DENND1A: variants seen among roughly 807,000 people sequenced by gnomAD.
DENND1A encodes DENN domain-containing protein 1A.
In DENND1A, 51 loss-of-function variants were observed where a neutral mutation model predicts 113.7. That is an observed-to-expected ratio of 0.45 (90% CI 0.36 to 0.57). The LOEUF (loss-of-function observed/expected upper bound fraction) is 0.57, where lower values mean the gene tolerates loss of function less well. DENND1A is among the 20% of genes least tolerant of loss of function. DENND1A has a pLI of 0.00. For missense variants in DENND1A, 1,258 were observed against 1,395.9 expected, an observed-to-expected ratio of 0.90 and a Z score of 1.57; for synonymous variants, 565 against 570.8, an observed-to-expected ratio of 0.99 and a Z score of 0.14.
intron 1 of DENND1A, among the ~76,000 whole-genome samples, chr9:123,884,995 GCGCACA>G (rs1301577224): frequency 4.0e-5 from 5 of 126,192 alleles, no homozygotes; most frequent in African/African-American, 7.3e-5. Context: ...GCGAGCGCGC[GCGCACA>G]CACACACACA....
intron 2 of DENND1A, among the ~76,000 whole-genome samples, chr9:123,835,452 C>A (rs1214895008): frequency 2.0e-5 from 3 of 152,016 alleles, no homozygotes; most frequent in African/African-American, 7.2e-5. Context: ...CTGTGTCCCT[C>A]TAGTAATGAA....
At chr9:123,542,253 C>T (rs2056344343) in intron 13 of DENND1A, among the ~76,000 whole-genome samples, 1 of 152,132 alleles carries the variant, frequency 6.6e-6, no homozygotes, top group African/African-American at 2.4e-5. Context: ...CAAGGAAGCT[C>T]TATGAAGGTA....
intron 2 of DENND1A, among the ~76,000 whole-genome samples, chr9:123,846,828 C>T (rs1306603354): frequency 1.3e-5 from 2 of 152,234 alleles, no homozygotes; most frequent in South Asian, 4.1e-4. Context: ...TAAATTTACA[C>T]TTAAAAATAT....
At chr9:123,757,924 C>G in intron 4 of DENND1A, 102 bp from the exon 5 acceptor site, 1 of 1,316,858 alleles carries the variant, frequency 7.6e-7, no homozygotes, top group Non-Finnish European at 1.0e-6. Flanking sequence ...TTTCCTCTCT[C>G]AGTGGAACTC....
chr9:123,879,957 G>C (rs1226323778), intron 1 of DENND1A, among the ~76,000 whole-genome samples: 2 of 152,132 alleles, frequency 1.3e-5, no homozygotes, highest in Admixed American at 6.6e-5. Context: ...GTAACTGTAT[G>C]AATTTTTATT....
At chr9:123,423,995 A>AG (rs1372130749) in intron 19 of DENND1A, among the ~76,000 whole-genome samples, 1 of 152,214 alleles carries the variant, frequency 6.6e-6, no homozygotes, top group Non-Finnish European at 1.5e-5. Context: ...CCTGGAGGGA[A>AG]GGAGCCATAA....
At chr9:123,844,309 C>T (rs548246619) in intron 2 of DENND1A, among the ~76,000 whole-genome samples, 6 of 152,184 alleles carry the variant, frequency 3.9e-5, no homozygotes, top group South Asian at 2.1e-4. Flanking sequence ...TACTCTTACA[C>T]AAAGAAAATC....
intron 1 of DENND1A, among the ~76,000 whole-genome samples, chr9:123,923,168 C>T (rs1189888034): frequency 6.6e-6 from 1 of 152,216 alleles, no homozygotes; most frequent in Non-Finnish European, 1.5e-5. Context: ...AACATACTTT[C>T]CTAGAGCAAT....
At chr9:123,524,177 C>A (rs2054620051) in intron 13 of DENND1A, among the ~76,000 whole-genome samples, 1 of 152,154 alleles carries the variant, frequency 6.6e-6, no homozygotes, top group Admixed American at 6.5e-5. Context: ...GGAGAAGAGG[C>A]CACTTGATGG....
intron 2 of DENND1A, among the ~76,000 whole-genome samples, chr9:123,833,999 G>C (rs1840688934): frequency 6.6e-6 from 1 of 152,122 alleles, no homozygotes; most frequent in Non-Finnish European, 1.5e-5. Flanking sequence ...GGGGTTGCAG[G>C]AAGCTGAGAT....
chr9:123,727,980 C>G (rs555416861), intron 5 of DENND1A, among the ~76,000 whole-genome samples: 57 of 152,130 alleles, frequency 3.7e-4, no homozygotes, highest in African/African-American at 1.2e-3. Flanking sequence ...GTGGCAGGCT[C>G]CTGTAGTCCC....
intron 13 of DENND1A, among the ~76,000 whole-genome samples, chr9:123,470,793 G>A (rs183322134): frequency 3.6e-4 from 55 of 152,282 alleles, no homozygotes; most frequent in Non-Finnish European, 7.4e-4. Flanking sequence ...CTGTGGCACT[G>A]TCCACATGAT....
intron 1 of DENND1A, among the ~76,000 whole-genome samples, chr9:123,916,101 A>G (rs1472410203): frequency 6.6e-6 from 1 of 152,150 alleles, no homozygotes; most frequent in Non-Finnish European, 1.5e-5. Flanking sequence ...TTACTGCACC[A>G]TTTGTAATAA....
chr9:123,472,800 A>G (rs373777836), intron 13 of DENND1A, among the ~76,000 whole-genome samples: 1 of 152,096 alleles, frequency 6.6e-6, no homozygotes, highest in Admixed American at 6.5e-5. Flanking sequence ...GCATTCCCAT[A>G]ACACGGGGCC....
At chr9:123,755,069 A>T (rs2070401515) in intron 5 of DENND1A, among the ~76,000 whole-genome samples, 1 of 152,012 alleles carries the variant, frequency 6.6e-6, no homozygotes, top group Non-Finnish European at 1.5e-5. Context: ...ATGAATACAT[A>T]GTTCACCTTG....
At chr9:123,553,116 G>A (rs570878307) in intron 13 of DENND1A, among the ~76,000 whole-genome samples, 1 of 152,092 alleles carries the variant, frequency 6.6e-6, no homozygotes, top group Non-Finnish European at 1.5e-5. Context: ...AATTAGCTGA[G>A]TTCAGTGGCA....
At chr9:123,909,820 T>C (rs1482576312) in intron 1 of DENND1A, among the ~76,000 whole-genome samples, 3 of 152,190 alleles carry the variant, frequency 2.0e-5, no homozygotes, top group Non-Finnish European at 4.4e-5. Context: ...TAGAATTAAG[T>C]ACATTTAGCA....
chr9:123,655,866 C>T (rs1447302360), intron 8 of DENND1A, among the ~76,000 whole-genome samples: 1 of 152,224 alleles, frequency 6.6e-6, no homozygotes, highest in Non-Finnish European at 1.5e-5. Flanking sequence ...TCATTTCTAT[C>T]TCCTATAATC....
chr9:123,548,430 T>C (rs1029359793), intron 13 of DENND1A, among the ~76,000 whole-genome samples: 1 of 152,222 alleles, frequency 6.6e-6, no homozygotes, highest in Non-Finnish European at 1.5e-5. Flanking sequence ...CAGATATTCT[T>C]GGGTCCATAT....
Sources: allele counts gnomAD v4.1 joint callset (sites outside exome capture counted in the v4.1 genomes callset), GRCh38; gene constraint gnomAD v4.1.1; transcripts MANE v1.5; gene names NCBI Gene and HGNC (gene_info 2026-07-23, HGNC 2026-07-21).